Variants in ZNF407 observed in about 807,000 individuals in gnomAD.
ZNF407 encodes zinc finger protein 407.
A neutral mutation model predicts 131.2 loss-of-function variants in ZNF407; 17 were observed. The observed-to-expected ratio is 0.13, with a 90% CI of 0.09 to 0.19. The LOEUF (loss-of-function observed/expected upper bound fraction) is 0.19, where lower values mean the gene tolerates loss of function less well. Ranked by LOEUF, ZNF407 falls within the 10% of genes least tolerant of loss-of-function variation. ZNF407 has a pLI of 1.00. For missense variants in ZNF407, 2,681 were observed against 2,830.6 expected (o/e 0.95, Z 1.20); for synonymous variants, 1,156 against 1,062.0 (o/e 1.09, Z -1.72).
intron 7 of ZNF407, among the ~76,000 whole-genome samples, chr18:74,907,745 T>C (rs17055896): frequency 0.013 from 1,913 of 152,336 alleles, 36 homozygotes; most frequent in African/African-American, 0.043. Flanking sequence ...AAAATTGATT[T>C]AATGACTTGT....
At chr18:74,740,322 C>T (rs1968519429) in intron 3 of ZNF407, among the ~76,000 whole-genome samples, 1 of 152,174 alleles carries the variant, frequency 6.6e-6, no homozygotes, top group Non-Finnish European at 1.5e-5. Flanking sequence ...TATTTTAGAG[C>T]TCACCAAGGT....
At chr18:74,928,824 C>T (rs953078586) in intron 8 of ZNF407, among the ~76,000 whole-genome samples, 1 of 152,018 alleles carries the variant, frequency 6.6e-6, no homozygotes, top group Non-Finnish European at 1.5e-5. Context: ...CTTTGGGATC[C>T]CTTTGGCCGA....
intron 8 of ZNF407, among the ~76,000 whole-genome samples, chr18:75,036,435 C>T (rs1973309438): frequency 6.6e-6 from 1 of 152,142 alleles, no homozygotes; most frequent in South Asian, 2.1e-4. Flanking sequence ...AAACAACATA[C>T]CTGAAAGAAT....
intron 3 of ZNF407, among the ~76,000 whole-genome samples, chr18:74,664,778 G>A (rs910640288): frequency 4.6e-5 from 7 of 151,730 alleles, no homozygotes; most frequent in African/African-American, 1.7e-4. Context: ...GAATCCCAGT[G>A]CATCTGTTTT....
intron 8 of ZNF407, among the ~76,000 whole-genome samples, chr18:75,057,943 C>T (rs984158356): frequency 9.9e-5 from 15 of 152,072 alleles, no homozygotes; most frequent in African/African-American, 7.2e-5. Context: ...AAATTCTGTA[C>T]ATTTTAATTA....
chr18:74,880,856 T>A (rs766187629), intron 5 of ZNF407, among the ~76,000 whole-genome samples, 180 bp from the exon 6 acceptor site: 3 of 152,266 alleles, frequency 2.0e-5, no homozygotes, highest in Non-Finnish European at 4.4e-5. Context: ...TGTAATTATG[T>A]TCAGTGGTGC....
chr18:74,659,433 TTTAC>T (rs934977630), intron 3 of ZNF407, among the ~76,000 whole-genome samples: 4 of 152,164 alleles, frequency 2.6e-5, no homozygotes, highest in African/African-American at 4.8e-5. Flanking sequence ...TGACTTCAGT[TTTAC>T]TTAGCTAAAA....
At chr18:74,619,970 T>A (rs1240966913) in intron 1 of ZNF407, among the ~76,000 whole-genome samples, 1 of 151,958 alleles carries the variant, frequency 6.6e-6, no homozygotes, top group African/African-American at 2.4e-5. Flanking sequence ...ACTTTCTGCT[T>A]AACTCGTAGA....
intron 7 of ZNF407, among the ~76,000 whole-genome samples, chr18:74,892,977 G>A (rs1166741192): frequency 6.6e-6 from 1 of 152,078 alleles, no homozygotes; most frequent in Admixed American, 6.6e-5. Flanking sequence ...GATCAGTACT[G>A]TGCTTTGGTA....
At chr18:75,060,519 T>TC (rs1223160156) in intron 8 of ZNF407, among the ~76,000 whole-genome samples, 2 of 147,576 alleles carry the variant, frequency 1.4e-5, no homozygotes, top group Admixed American at 6.7e-5. Context: ...TTTTTTTTTT[T>TC]TTTTGCGACG....
chr18:74,630,913 T>G (rs3794944), intron 1 of ZNF407, 54 bp from the exon 2 acceptor site: 215,550 of 1,324,034 alleles, frequency 0.16, 18,223 homozygotes, highest in African/African-American at 0.19. Context: ...AGTTTTAGAC[T>G]AATACGTGTG....
chr18:74,668,140 C>T (rs149605582), intron 3 of ZNF407, among the ~76,000 whole-genome samples: 104 of 152,210 alleles, frequency 6.8e-4, no homozygotes, highest in African/African-American at 2.4e-3. Context: ...TGACACCACC[C>T]GGGGAACATT....
At chr18:75,023,729 T>C (rs1176538743) in intron 8 of ZNF407, among the ~76,000 whole-genome samples, 1 of 152,206 alleles carries the variant, frequency 6.6e-6, no homozygotes, top group East Asian at 1.9e-4. Context: ...AGCACCTACA[T>C]GAATGCAAGT....
At chr18:74,916,711 G>C (rs1971774508) in intron 7 of ZNF407, among the ~76,000 whole-genome samples, 1 of 144,574 alleles carries the variant, frequency 6.9e-6, no homozygotes, top group African/African-American at 2.7e-5. Context: ...GGGAGTGTGT[G>C]TGTGTATGTG....
chr18:74,841,328 CAG>C (rs899513264), intron 4 of ZNF407, among the ~76,000 whole-genome samples: 16 of 152,190 alleles, frequency 1.1e-4, no homozygotes, highest in African/African-American at 3.9e-4. Flanking sequence ...CCCCCAGCCT[CAG>C]GGGGGCTGCT....
chr18:74,807,037 G>A (rs1970120332), intron 4 of ZNF407, among the ~76,000 whole-genome samples: 2 of 152,204 alleles, frequency 1.3e-5, no homozygotes, highest in African/African-American at 2.4e-5. Context: ...AATAATTTCA[G>A]AAAGCAGTAG....
chr18:74,881,199 T>C, intron 6 of ZNF407, 80 bp downstream of exon 6: 2 of 1,257,576 alleles, frequency 1.6e-6, no homozygotes, highest in Admixed American at 4.5e-5. Flanking sequence ...GATGTCATCA[T>C]TTACTTTCCT....
At chr18:74,962,095 G>GT (rs202212539) in intron 8 of ZNF407, among the ~76,000 whole-genome samples, 1,659 of 152,226 alleles carry the variant, frequency 0.011, 33 homozygotes, top group African/African-American at 0.037. Flanking sequence ...AATGATGCTT[G>GT]TTTTTTATTT....
chr18:74,889,296 A>G (rs965131849), intron 6 of ZNF407, among the ~76,000 whole-genome samples: 3 of 109,140 alleles, frequency 2.7e-5, no homozygotes, highest in South Asian at 3.0e-4. Context: ...CTGTCTGTCT[A>G]TTTACCTATG....
Sources: allele counts gnomAD v4.1 joint callset (sites outside exome capture counted in the v4.1 genomes callset), GRCh38; gene constraint gnomAD v4.1.1; transcripts MANE v1.5; gene names NCBI Gene and HGNC (gene_info 2026-07-23, HGNC 2026-07-21).